Variants in ZNF362 observed in about 807,000 individuals in gnomAD.
ZNF362 encodes the protein zinc finger protein 362.
Under a neutral mutation model 42.9 loss-of-function variants are expected in ZNF362, and 11 were observed. That is an observed-to-expected ratio of 0.26 (90% CI 0.16 to 0.42). The LOEUF is 0.42. Ranked by LOEUF, ZNF362 falls within the 20% of genes least tolerant of loss-of-function variation. ZNF362 has a pLI of 1.00. For missense variants in ZNF362, 362 were observed against 576.2 expected, an observed-to-expected ratio of 0.63 and a Z score of 3.81; for synonymous variants, 255 against 257.3, an observed-to-expected ratio of 0.99 and a Z score of 0.09.
the ZNF362 span, among the ~76,000 whole-genome samples, chr1:33,160,890 C>G: frequency 6.6e-6 from 1 of 152,216 alleles, no homozygotes; most frequent in East Asian, 1.9e-4. Flanking sequence ...TGTTTATAGA[C>G]AGGATCAGGG....
the ZNF362 span, chr1:33,165,540 G>A: frequency 1.2e-6 from 2 of 1,610,316 alleles, no homozygotes; most frequent in African/African-American, 2.7e-5. This position sits in a 1 kb window ranked among gnomAD's most constrained non-coding sequence, Gnocchi z 4.0. Context: ...TGTCTTGAAG[G>A]GCCTGAAGTT....
At chr1:33,233,748 C>T in the ZNF362 span, among the ~76,000 whole-genome samples, 2 of 152,196 alleles carry the variant, frequency 1.3e-5, no homozygotes, top group South Asian at 4.2e-4. Flanking sequence ...TGTCTGTCTT[C>T]CCCTGAGACT....
the ZNF362 span, among the ~76,000 whole-genome samples, chr1:33,212,909 C>T: frequency 2.6e-5 from 4 of 152,134 alleles, no homozygotes; most frequent in African/African-American, 9.7e-5. Context: ...ATGTTTATTG[C>T]TGCCTTATTT....
chr1:33,158,709 G>A, the ZNF362 span, among the ~76,000 whole-genome samples: 1 of 152,206 alleles, frequency 6.6e-6, no homozygotes, highest in Non-Finnish European at 1.5e-5. Flanking sequence ...ACAAACCAAT[G>A]ACTAAGTGTT....
chr1:33,132,884 T>C, the ZNF362 span, among the ~76,000 whole-genome samples: 1 of 152,228 alleles, frequency 6.6e-6, no homozygotes, highest in Non-Finnish European at 1.5e-5. Context: ...GAGAGGCACC[T>C]CCTGTAACTC....
the ZNF362 span, among the ~76,000 whole-genome samples, chr1:33,241,476 A>G: frequency 1.1e-4 from 17 of 151,784 alleles, no homozygotes; most frequent in African/African-American, 3.9e-4. Flanking sequence ...AGCCTGGGCC[A>G]AAGAGCTAAA....
the ZNF362 span, among the ~76,000 whole-genome samples, chr1:33,151,405 C>T: frequency 6.6e-6 from 1 of 152,128 alleles, no homozygotes; most frequent in Admixed American, 6.5e-5. Flanking sequence ...CTGAAGCCAC[C>T]TCCAAGGCCT....
chr1:33,174,329 A>T, the ZNF362 span, among the ~76,000 whole-genome samples: 2 of 152,110 alleles, frequency 1.3e-5, no homozygotes, highest in Non-Finnish European at 2.9e-5. Context: ...CTACAGGTGC[A>T]TGAAACCATG....
At chr1:33,276,285 C>T (rs1232620061) in intron 3 of ZNF362, 63 bp from the exon 4 acceptor site, 43 of 1,546,780 alleles carry the variant, frequency 2.8e-5, no homozygotes, top group East Asian at 7.1e-5. Flanking sequence ...GGTGGACCAG[C>T]GGGCCTGGGC....
At chr1:33,290,295 T>C (rs1460086660) in intron 6 of ZNF362, among the ~76,000 whole-genome samples, 1 of 152,040 alleles carries the variant, frequency 6.6e-6, no homozygotes, top group Non-Finnish European at 1.5e-5. Context: ...TTCCCACCTA[T>C]GAGTGAGAAC....
At chr1:33,193,151 A>C in the ZNF362 span, among the ~76,000 whole-genome samples, 11 of 152,156 alleles carry the variant, frequency 7.2e-5, no homozygotes, top group African/African-American at 2.7e-4. Context: ...AAGTACATTA[A>C]AAAATATATA....
the ZNF362 span, among the ~76,000 whole-genome samples, chr1:33,171,940 C>T: frequency 2.6e-5 from 4 of 152,098 alleles, no homozygotes; most frequent in Non-Finnish European, 1.5e-5. Context: ...CGACACCACG[C>T]CTGGCTAATT....
chr1:33,217,048 A>G, the ZNF362 span, among the ~76,000 whole-genome samples: 7 of 152,076 alleles, frequency 4.6e-5, no homozygotes, highest in African/African-American at 1.7e-4. Context: ...GCCACCATCC[A>G]TCCCTTACAA....
chr1:33,293,032 G>A (rs983086766), intron 6 of ZNF362, among the ~76,000 whole-genome samples: 3 of 152,244 alleles, frequency 2.0e-5, no homozygotes, highest in Non-Finnish European at 4.4e-5. Context: ...ACTGGGGCCC[G>A]TCCCTGCCCT....
the ZNF362 span, chr1:33,158,238 T>A: frequency 5.6e-6 from 9 of 1,606,744 alleles, no homozygotes; most frequent in African/African-American, 4.0e-5. Context: ...TGGACCATGA[T>A]AACCCATGCC....
the ZNF362 span, among the ~76,000 whole-genome samples, chr1:33,243,155 T>TATGTTATGTTATGTTATGTC: frequency 7.9e-3 from 1,192 of 151,620 alleles, 22 homozygotes; most frequent in African/African-American, 0.026. Flanking sequence ...TATGTTATGT[T>TATGTTATGTTATGTTATGTC]ATGTTGTTAT....
the ZNF362 span, among the ~76,000 whole-genome samples, chr1:33,238,577 A>T: frequency 6.6e-6 from 1 of 152,066 alleles, no homozygotes; most frequent in Admixed American, 6.6e-5. Context: ...CTAGAAAGGA[A>T]GGGTCATGTA....
At chr1:33,244,080 A>G in the ZNF362 span, among the ~76,000 whole-genome samples, 22 of 152,204 alleles carry the variant, frequency 1.4e-4, no homozygotes, top group Admixed American at 1.3e-3. This position sits in a 1 kb window ranked among gnomAD's most constrained non-coding sequence, Gnocchi z 4.0. Context: ...CTGTGTAATC[A>G]CTATGATGTC....
the ZNF362 span, among the ~76,000 whole-genome samples, chr1:33,177,694 A>G: frequency 7.9e-4 from 120 of 152,270 alleles, 1 homozygote; most frequent in African/African-American, 2.7e-3. The surrounding 1 kb of genome is among the most constrained non-coding windows in gnomAD (Gnocchi z 4.1). Flanking sequence ...TGCTACTGGC[A>G]TCTAATGGGT....
Sources: allele counts gnomAD v4.1 joint callset (sites outside exome capture counted in the v4.1 genomes callset), GRCh38; gene constraint gnomAD v4.1.1; non-coding constraint Gnocchi (gnomAD v3.1); transcripts MANE v1.5; gene names NCBI Gene and HGNC (gene_info 2026-07-23, HGNC 2026-07-21).